Variants in KIT observed in about 807,000 individuals in gnomAD.
The protein encoded by KIT is KIT proto-oncogene, receptor tyrosine kinase, also known as mast/stem cell growth factor receptor Kit.
In KIT, 16 loss-of-function variants were observed where a neutral mutation model predicts 105.7. That is an observed-to-expected ratio of 0.15 (90% CI 0.10 to 0.23). The LOEUF is 0.23. Among genes scored for constraint, KIT ranks in the 10% least tolerant of loss-of-function variants. The pLI is 1.00. For missense variants in KIT, 858 were observed against 1,213.8 expected, an observed-to-expected ratio of 0.71 and a Z score of 4.36; for synonymous variants, 438 against 441.1, an observed-to-expected ratio of 0.99 and a Z score of 0.09.
At chr4:54,732,027 T>G (rs751738452) in intron 16 of KIT, 29 bp downstream of exon 16, 5 of 1,598,160 alleles carry the variant, frequency 3.1e-6, no homozygotes, top group East Asian at 2.2e-5. Context: ...CTAAAGAGTT[T>G]TGTGTTTTGT....
chr4:54,694,634 C>T (rs1280268037), intron 1 of KIT, among the ~76,000 whole-genome samples: 1 of 152,194 alleles, frequency 6.6e-6, no homozygotes, highest in East Asian at 1.9e-4. Flanking sequence ...CCCACCTCAG[C>T]CTCCCAGAGT....
At chr4:54,728,788 T>C (rs1041492176) in intron 13 of KIT, among the ~76,000 whole-genome samples, 1 of 152,206 alleles carries the variant, frequency 6.6e-6, no homozygotes, top group Non-Finnish European at 1.5e-5. Flanking sequence ...TAGTTGCCTG[T>C]TACTTCTAAA....
At chr4:54,676,907 C>G (rs559138086) in intron 1 of KIT, among the ~76,000 whole-genome samples, 1 of 152,248 alleles carries the variant, frequency 6.6e-6, no homozygotes, top group East Asian at 1.9e-4. Flanking sequence ...CACTTCACAG[C>G]CCAGCTCCCA....
At chr4:54,696,595 T>C (rs1166464546) in intron 2 of KIT, among the ~76,000 whole-genome samples, 61 of 152,234 alleles carry the variant, frequency 4.0e-4, no homozygotes, top group Non-Finnish European at 2.9e-5. Context: ...TAATGGATAC[T>C]TTTATTCTAG....
At chr4:54,672,437 C>T (rs1718178276) in intron 1 of KIT, among the ~76,000 whole-genome samples, 1 of 151,956 alleles carries the variant, frequency 6.6e-6, no homozygotes, top group South Asian at 2.1e-4. Flanking sequence ...TAATGGTTGC[C>T]TTCAGACTGA....
Position 54,727,842 on chromosome 4 carries a change from A to G in KIT, c.1794A>G (p.Gly598=), listed in dbSNP as rs72549292. The change falls in exon 12 of 21, where the codon GGA becomes GGG. Residue 598 remains glycine (G), a synonymous_variant. Transcript: ENST00000288135. ...RLSFGKTLGA[G]AFGKVVEATA... The stretch of plus-strand genomic sequence containing the variant: ...CTACAGGGAAAACCCTGGGTGCTGG[A>G]GCTTTCGGGAAGGTTGTTGAGGCAA... The G allele has an allele frequency of 1.9e-6, 3 of 1,612,964 alleles. No homozygotes were observed. The highest frequency in any genetic ancestry group is 2.5e-6 in the Non-Finnish European group (3 of 1,179,938).
At chr4:54,710,507 C>T (rs1419222359) in intron 7 of KIT, among the ~76,000 whole-genome samples, 2 of 151,526 alleles carry the variant, frequency 1.3e-5, no homozygotes, top group Non-Finnish European at 2.9e-5. Flanking sequence ...AATTCCTTGT[C>T]TTGAAGGAGC....
intron 1 of KIT, 138 bp downstream of exon 1, chr4:54,658,219 C>T: frequency 1.2e-6 from 1 of 853,082 alleles, no homozygotes; most frequent in Non-Finnish European, 1.9e-6. Context: ...TCCGGGGAGA[C>T]TCCAGGTGGC....
At chr4:54,664,752 C>T (rs1035864558) in intron 1 of KIT, among the ~76,000 whole-genome samples, 5 of 151,834 alleles carry the variant, frequency 3.3e-5, no homozygotes, top group Non-Finnish European at 5.9e-5. Flanking sequence ...GGACCCCAGG[C>T]GTGTGCCACC....
At chr4:54,709,276 G>C (rs971247246) in intron 6 of KIT, 148 bp from the exon 7 acceptor site, 2 of 666,482 alleles carry the variant, frequency 3.0e-6, no homozygotes, top group Admixed American at 4.5e-5. Flanking sequence ...TTATGTATTT[G>C]TTAATGTGGA....
intron 16 of KIT, 70 bp downstream of exon 16, chr4:54,732,068 T>C (rs2109796914): frequency 7.1e-7 from 1 of 1,417,500 alleles, no homozygotes; most frequent in Admixed American, 2.1e-5. Flanking sequence ...TTTTTTTTTT[T>C]TTGAGAACAG....
chr4:54,676,221 A>G (rs1718457468), intron 1 of KIT, among the ~76,000 whole-genome samples: 1 of 152,064 alleles, frequency 6.6e-6, no homozygotes, highest in South Asian at 2.1e-4. Flanking sequence ...ACTTGTTAGA[A>G]ATGCAAACTC....
At chr4:54,677,103 C>G (rs1718534724) in intron 1 of KIT, among the ~76,000 whole-genome samples, 1 of 152,008 alleles carries the variant, frequency 6.6e-6, no homozygotes. Context: ...CTTGACTGTC[C>G]CAAGGGCCCA....
chr4:54,691,681 A>G (rs1195842241), intron 1 of KIT, among the ~76,000 whole-genome samples: 1 of 151,762 alleles, frequency 6.6e-6, no homozygotes, highest in Admixed American at 6.6e-5. Flanking sequence ...TGGGGATGGA[A>G]TTGTTAAAAG....
At chr4:54,676,338 A>G (rs1448249738) in intron 1 of KIT, among the ~76,000 whole-genome samples, 1 of 152,198 alleles carries the variant, frequency 6.6e-6, no homozygotes, top group Non-Finnish European at 1.5e-5. Context: ...AAAGTTTGAG[A>G]ACCACTGGCC....
chr4:54,724,650 T>A (rs1722102912), intron 8 of KIT, among the ~76,000 whole-genome samples: 1 of 152,108 alleles, frequency 6.6e-6, no homozygotes, highest in South Asian at 2.1e-4. Context: ...GTTTATGTTC[T>A]AGTGCAGGGG....
chr4:54,705,652 G>A (rs1241062579), intron 5 of KIT, among the ~76,000 whole-genome samples: 1 of 152,144 alleles, frequency 6.6e-6, no homozygotes, highest in African/African-American at 2.4e-5. Flanking sequence ...GGAGGCTGAG[G>A]CGGGCAGATC....
Position 54,658,033 on chromosome 4 carries a change from G to T in KIT, c.19G>T (p.Ala7Ser), listed in dbSNP as rs1285711357. Residue 7 changes from alanine (A) to serine (S), a missense_variant, in exon 1 of 21, where the codon GCC becomes TCC. Physicochemically the swap from Ala to Ser is moderately conservative, Grantham distance 99. Coordinates refer to ENST00000288135, the MANE Select transcript of KIT (RefSeq NM_000222.3). ...TACCGCGATGAGAGGCGCTCGCGGC[G>T]CCTGGGATTTTCTCTGCGTTCTGCT... MRGARG[A>S]WDFLCVLLLL... The T allele has an allele frequency of 1.2e-6, 2 of 1,613,850 alleles. No individual in the cohort carries two copies. The highest frequency in any genetic ancestry group is 1.7e-6 in the Non-Finnish European group (2 of 1,179,922).
intron 8 of KIT, among the ~76,000 whole-genome samples, chr4:54,725,397 G>A (rs1026599284): frequency 6.6e-6 from 1 of 152,094 alleles, no homozygotes; most frequent in African/African-American, 2.4e-5. Context: ...GAGCTACTGC[G>A]CCCGGCCCCT....
Sources: allele counts gnomAD v4.1 joint callset (sites outside exome capture counted in the v4.1 genomes callset), GRCh38; gene constraint gnomAD v4.1.1; transcripts MANE v1.5; gene names NCBI Gene and HGNC (gene_info 2026-07-23, HGNC 2026-07-21).